The following KCNH8 variants were observed in gnomAD, a reference collection of about 807,000 sequenced individuals.
KCNH8 encodes the protein voltage-gated delayed rectifier potassium channel KCNH8.
Under a neutral mutation model 103.6 loss-of-function variants are expected in KCNH8, and 70 were observed. The ratio of observed to expected loss-of-function variants is 0.68; its 90% confidence interval spans 0.56 to 0.82. The LOEUF (loss-of-function observed/expected upper bound fraction) is 0.82, where lower values mean the gene tolerates loss of function less well. Among genes scored for constraint, KCNH8 ranks in the 40% least tolerant of loss-of-function variants. The pLI is 0.00. For missense variants in KCNH8, 1,217 were observed against 1,329.9 expected, an observed-to-expected ratio of 0.92 and a Z score of 1.32; for synonymous variants, 498 against 489.4, an observed-to-expected ratio of 1.02 and a Z score of -0.23.
intron 5 of KCNH8, among the ~76,000 whole-genome samples, chr3:19,350,068 GC>G (rs1328267033): frequency 2.0e-5 from 3 of 152,006 alleles, no homozygotes; most frequent in Non-Finnish European, 4.4e-5. Context: ...ATTCTTTCCT[GC>G]TGTTATCTGC....
At chr3:19,169,281 C>T (rs1187478760) in intron 1 of KCNH8, among the ~76,000 whole-genome samples, 13 of 125,866 alleles carry the variant, frequency 1.0e-4, no homozygotes, top group South Asian at 7.4e-4. Context: ...TTTTTTGAGA[C>T]GGAGTCTCGC....
At chr3:19,237,571 G>A (rs1460027872) in intron 1 of KCNH8, among the ~76,000 whole-genome samples, 1 of 152,216 alleles carries the variant, frequency 6.6e-6, no homozygotes, top group Non-Finnish European at 1.5e-5. Flanking sequence ...CTTGAGTTCA[G>A]TGATTTACAG....
At chr3:19,214,135 G>A (rs1357364330) in intron 1 of KCNH8, among the ~76,000 whole-genome samples, 3 of 152,134 alleles carry the variant, frequency 2.0e-5, no homozygotes, top group African/African-American at 4.8e-5. Context: ...CCTCTGGCCT[G>A]GCCATACCTA....
chr3:19,469,732 G>A (rs1240509975), intron 11 of KCNH8, among the ~76,000 whole-genome samples: 1 of 152,158 alleles, frequency 6.6e-6, no homozygotes, highest in Non-Finnish European at 1.5e-5. Context: ...TTGTGTTTAT[G>A]TTCATGGTAT....
intron 8 of KCNH8, among the ~76,000 whole-genome samples, chr3:19,441,070 G>C (rs2067277047): frequency 6.6e-6 from 1 of 152,146 alleles, no homozygotes; most frequent in Admixed American, 6.5e-5. Context: ...GCTCTGGTGT[G>C]CATGCTGTTC....
intron 1 of KCNH8, among the ~76,000 whole-genome samples, chr3:19,245,648 AT>A (rs535533334): frequency 6.6e-6 from 1 of 151,700 alleles, no homozygotes; most frequent in Non-Finnish European, 1.5e-5. Context: ...TATGGTAGAG[AT>A]TTTTTTTAAC....
At chr3:19,346,171 C>A (rs551340060) in intron 4 of KCNH8, among the ~76,000 whole-genome samples, 1 of 152,132 alleles carries the variant, frequency 6.6e-6, no homozygotes, top group South Asian at 2.1e-4. Flanking sequence ...CATGTTATTA[C>A]AACTTGAAGT....
At position 19,395,405 on chromosome 3, in the gene KCNH8, T is replaced by C. The variant is rs1257602541; in HGVS notation, c.1177+94T>C. 3 of 741,476 alleles carry C rather than the reference T, an allele frequency of 4.0e-6. No homozygotes were observed. In the East Asian group the frequency reaches 8.9e-5, roughly 22 times the overall value. The allele number at this position is 741,476 out of a possible 1,614,324, so 45.9% of individuals were successfully genotyped here. A position where few individuals can be genotyped will look rare whatever the true frequency, so the allele number is the denominator to read the frequency against. Reference sequence around the variant, plus strand: ...GAAGTGAAAGATAAGTCTATAAATATATTTATTCTTACTATCAATTTGTCT... The same window carrying C: ...GAAGTGAAAGATAAGTCTATAAATACATTTATTCTTACTATCAATTTGTCT... On this transcript the variant is annotated intron_variant, in intron 7 of 15. Coordinates refer to ENST00000328405, the MANE Select transcript of KCNH8 (RefSeq NM_144633.3).
At chr3:19,272,376 G>C (rs1458105353) in intron 2 of KCNH8, among the ~76,000 whole-genome samples, 1 of 152,086 alleles carries the variant, frequency 6.6e-6, no homozygotes. Flanking sequence ...TGCCTGTCCT[G>C]TCTGTGATTA....
At position 19,415,517 on chromosome 3, in the gene KCNH8, ATCTG is replaced by A. The variant is rs529167363; in HGVS notation, c.1177+20210_1177+20213del. 1.3e-3 allele frequency among the ~76,000 whole-genome samples: 195 copies of A among 145,728 alleles called. 5 individuals carry two copies. The South Asian group carries it at 0.041, about 31-fold the overall frequency. ...TTGATTTATTCATTTGGGTTGATTT[ATCTG>A]TCTCCTTACTGAGGCACAATTACTT... On this transcript the variant is annotated intron_variant, in intron 7 of 15. Coordinates refer to ENST00000328405, the MANE Select transcript of KCNH8 (RefSeq NM_144633.3).
chr3:19,430,820 T>C (rs2067109598), intron 7 of KCNH8, among the ~76,000 whole-genome samples: 1 of 152,154 alleles, frequency 6.6e-6, no homozygotes, highest in Non-Finnish European at 1.5e-5. Flanking sequence ...CTAGGGACTT[T>C]TGCACATTGA....
intron 7 of KCNH8, among the ~76,000 whole-genome samples, chr3:19,406,960 CA>C (rs2066701100): frequency 6.6e-6 from 1 of 152,116 alleles, no homozygotes; most frequent in African/African-American, 2.4e-5. Context: ...AGGGGAACAA[CA>C]GCTCTTTTAG....
intron 10 of KCNH8, among the ~76,000 whole-genome samples, chr3:19,454,328 ACTTAAC>A (rs886826133): frequency 2.6e-5 from 4 of 152,050 alleles, no homozygotes; most frequent in Non-Finnish European, 4.4e-5. Context: ...TGTTTCAAAA[ACTTAAC>A]CTTAATCATA....
At chr3:19,449,741 A>G (rs1384410804) in intron 8 of KCNH8, among the ~76,000 whole-genome samples, 1 of 150,144 alleles carries the variant, frequency 6.7e-6, no homozygotes, top group African/African-American at 2.5e-5. Flanking sequence ...TATTGTAACT[A>G]TCAAACTATA....
In KCNH8 at chr3:19,495,159, C is replaced by T. The variant is rs942632240; in HGVS notation, c.2041-15204C>T. Among the ~76,000 whole-genome samples, 116 of 152,066 alleles carry T rather than the reference C, an allele frequency of 7.6e-4. 1 individual carries two copies. Among genetic ancestry groups the T allele is most frequent in the African/African-American group, 2.7e-3 (113 of 41,416 alleles). On this transcript the variant is annotated intron_variant, in intron 11 of 15. Transcript: ENST00000328405. Reference sequence around the variant, plus strand: ...TCCCATTCCGTAGGTTGTCTTTTCACTCTGCTGATAATTTCTTTTGCTATA... The same window carrying T: ...TCCCATTCCGTAGGTTGTCTTTTCATTCTGCTGATAATTTCTTTTGCTATA...
At chr3:19,249,728 C>G (rs951168781) in intron 1 of KCNH8, among the ~76,000 whole-genome samples, 2 of 152,086 alleles carry the variant, frequency 1.3e-5, no homozygotes, top group African/African-American at 4.8e-5. Context: ...AAAATAGGCA[C>G]TATGTTGCTT....
At chr3:19,205,309 T>A (rs2063703735) in intron 1 of KCNH8, among the ~76,000 whole-genome samples, 3 of 152,078 alleles carry the variant, frequency 2.0e-5, no homozygotes, top group Admixed American at 2.0e-4. Context: ...TCAATATAGC[T>A]AGATTTCTGC....
chr3:19,503,352 T>C (rs1299969631), intron 11 of KCNH8, among the ~76,000 whole-genome samples: 3 of 152,188 alleles, frequency 2.0e-5, no homozygotes, highest in Non-Finnish European at 4.4e-5. Context: ...AGTTCAACCA[T>C]TGTGGAAGTC....
chr3:19,308,513 A>T (rs933760976), intron 3 of KCNH8, among the ~76,000 whole-genome samples: 2 of 152,080 alleles, frequency 1.3e-5, no homozygotes, highest in South Asian at 4.1e-4. Flanking sequence ...AATCTTCCAT[A>T]TAATATTTGA....
Sources: gnomAD v4.1 joint callset for allele counts (sites outside exome capture counted in the v4.1 genomes callset) on GRCh38, gnomAD v4.1.1 for gene constraint, MANE v1.5 for transcripts, NCBI Gene and HGNC (gene_info 2026-07-23, HGNC 2026-07-21) for gene names.